PALM2AKAP2: variants seen among roughly 807,000 people sequenced by gnomAD.
PALM2AKAP2 encodes the protein PALM2 and AKAP2 fusion.
In PALM2AKAP2, 37 loss-of-function variants were observed where a neutral mutation model predicts 71.5. The ratio of observed to expected loss-of-function variants is 0.52; its 90% CI spans 0.40 to 0.68. The LOEUF (loss-of-function observed/expected upper bound fraction) is 0.68. Ranked by LOEUF, PALM2AKAP2 falls within the 30% of genes least tolerant of loss-of-function variation. The pLI is 0.00. For missense variants in PALM2AKAP2, 1,224 were observed against 1,191.8 expected, an observed-to-expected ratio of 1.03 and a Z score of -0.40; for synonymous variants, 468 against 478.8, an observed-to-expected ratio of 0.98 and a Z score of 0.29.
chr9:109,661,719 A>T (rs1435292325), intron 1 of PALM2AKAP2, among the ~76,000 whole-genome samples: 3 of 152,176 alleles, frequency 2.0e-5, no homozygotes, highest in Non-Finnish European at 4.4e-5. Flanking sequence ...TGGTAGCTTG[A>T]TGGGGATGGC....
intron 6 of PALM2AKAP2, among the ~76,000 whole-genome samples, chr9:109,994,502 C>A (rs139724037): frequency 6.6e-6 from 1 of 152,306 alleles, no homozygotes; most frequent in East Asian, 1.9e-4. Flanking sequence ...TAACTAATAT[C>A]TTGATCCTTC....
intron 1 of PALM2AKAP2, among the ~76,000 whole-genome samples, chr9:110,110,895 A>G (rs1489185637): frequency 6.6e-6 from 1 of 151,994 alleles, no homozygotes; most frequent in African/African-American, 2.4e-5. Flanking sequence ...CCAGGCTTAC[A>G]AGAGAGGAAG....
chr9:109,772,158 G>C (rs1176714996), intron 1 of PALM2AKAP2: 1 of 152,210 alleles, frequency 6.6e-6, no homozygotes, highest in African/African-American at 2.4e-5. Context: ...TCTTGTTCCT[G>C]GTCACTTCCT....
At chr9:110,168,413 A>G (rs1231647911) in exon 4 of PALM2AKAP2, 1 of 1,614,042 alleles carries the variant, frequency 6.2e-7, no homozygotes, top group Non-Finnish European at 8.5e-7. Flanking sequence ...TCGAGGCCAC[A>G]CGGGTTAATC....
chr9:110,159,689 T>C (rs1836548282), intron 3 of PALM2AKAP2, among the ~76,000 whole-genome samples: 2 of 151,840 alleles, frequency 1.3e-5, no homozygotes, highest in African/African-American at 4.8e-5. Context: ...TTTTGCTGAG[T>C]GAGAAAAACT....
At chr9:109,837,700 G>T (rs1247697420) in intron 1 of PALM2AKAP2, among the ~76,000 whole-genome samples, 1 of 151,568 alleles carries the variant, frequency 6.6e-6, no homozygotes, top group East Asian at 1.9e-4. Context: ...CAAGGAAATG[G>T]AAAACAAAAA....
intron 1 of PALM2AKAP2, among the ~76,000 whole-genome samples, chr9:109,852,322 A>G (rs537209848): frequency 1.3e-5 from 2 of 152,186 alleles, no homozygotes; most frequent in South Asian, 2.1e-4. Flanking sequence ...TGTGTACCCA[A>G]TGTTTAGCTC....
chr9:109,813,216 A>C (rs1258058079), intron 1 of PALM2AKAP2, among the ~76,000 whole-genome samples: 1 of 152,240 alleles, frequency 6.6e-6, no homozygotes, highest in Admixed American at 6.5e-5. Context: ...TCCCACAGGA[A>C]GTGAAAGGAA....
intron 1 of PALM2AKAP2, among the ~76,000 whole-genome samples, chr9:110,131,967 A>G (rs750803010): frequency 2.0e-4 from 30 of 152,040 alleles, no homozygotes; most frequent in African/African-American, 7.0e-4. Flanking sequence ...AAAAAAATGT[A>G]TCGGAAAGGA....
upstream of PALM2AKAP2, among the ~76,000 whole-genome samples, chr9:109,777,353 C>T (rs1829363272): frequency 6.6e-6 from 1 of 152,214 alleles, no homozygotes; most frequent in Non-Finnish European, 1.5e-5. Flanking sequence ...CTAATATTCA[C>T]CTTCCTTTTT....
At chr9:109,754,077 A>T (rs188798446) in intron 1 of PALM2AKAP2, among the ~76,000 whole-genome samples, 84 of 152,302 alleles carry the variant, frequency 5.5e-4, no homozygotes, top group African/African-American at 1.9e-3. Flanking sequence ...CTTACTGTAC[A>T]TTAAAAGTTT....
chr9:109,878,286 G>A (rs1423062495), intron 2 of PALM2AKAP2, among the ~76,000 whole-genome samples: 1 of 152,148 alleles, frequency 6.6e-6, no homozygotes, highest in African/African-American at 2.4e-5. Context: ...TTTATACAGA[G>A]CACATTCAAC....
At chr9:109,773,709 G>A (rs890479898) in intron 1 of PALM2AKAP2, among the ~76,000 whole-genome samples, 2 of 152,214 alleles carry the variant, frequency 1.3e-5, no homozygotes, top group Non-Finnish European at 2.9e-5. Context: ...CACACAGCAA[G>A]TGGCAGAGTT....
chr9:110,110,316 C>T (rs1394651561), intron 1 of PALM2AKAP2, among the ~76,000 whole-genome samples: 1 of 152,094 alleles, frequency 6.6e-6, no homozygotes, highest in Non-Finnish European at 1.5e-5. Context: ...GTGCCCTAGT[C>T]AGGGCTTGGT....
intron 1 of PALM2AKAP2, among the ~76,000 whole-genome samples, chr9:110,096,928 TTTTATTTA>T (rs149932603): frequency 8.8e-4 from 130 of 148,414 alleles, no homozygotes; most frequent in Middle Eastern, 3.5e-3. Context: ...AGAATTTTCT[TTTTATTTA>T]TTTATTTATT....
intron 3 of PALM2AKAP2, among the ~76,000 whole-genome samples, chr9:109,914,418 T>C (rs867184732): frequency 6.6e-6 from 1 of 152,244 alleles, no homozygotes; most frequent in Non-Finnish European, 1.5e-5. Context: ...TATGCCCAGC[T>C]CAGCCACAGG....
chr9:109,664,557 TGCTGTTAGTCTGATGG>T (rs1827449396), intron 1 of PALM2AKAP2, among the ~76,000 whole-genome samples: 1 of 152,248 alleles, frequency 6.6e-6, no homozygotes, highest in South Asian at 2.1e-4. Context: ...CTAAGAGATC[TGCTGTTAGTCTGATGG>T]GCTTCCCTTT....
chr9:109,900,430 T>C (rs79857111), intron 3 of PALM2AKAP2, among the ~76,000 whole-genome samples: 5,654 of 152,294 alleles, frequency 0.037, 116 homozygotes, highest in East Asian at 0.074. Context: ...TCTGACAGTC[T>C]AGGCACCCAA....
At chr9:109,975,136 G>A (rs1299014949) in intron 6 of PALM2AKAP2, among the ~76,000 whole-genome samples, 1 of 152,118 alleles carries the variant, frequency 6.6e-6, no homozygotes, top group Non-Finnish European at 1.5e-5. Context: ...GATGTATGTA[G>A]ACATATGGAA....
Sources: gnomAD v4.1 joint callset for allele counts (sites outside exome capture counted in the v4.1 genomes callset) on GRCh38, gnomAD v4.1.1 for gene constraint, MANE v1.5 for transcripts, NCBI Gene and HGNC (gene_info 2026-07-23, HGNC 2026-07-21) for gene names.